The following ZFAT variants were observed in gnomAD, a reference collection of about 807,000 sequenced individuals.
The protein encoded by ZFAT is zinc finger protein ZFAT.
A neutral mutation model predicts 117.7 loss-of-function variants in ZFAT; 64 were observed. The observed-to-expected ratio is 0.54, with a 90% CI of 0.44 to 0.67. The LOEUF is 0.67. Ranked by LOEUF, ZFAT falls within the 30% of genes least tolerant of loss-of-function variation. The pLI is 0.00. For missense variants in ZFAT, 1,433 were observed against 1,584.5 expected, an observed-to-expected ratio of 0.90 and a Z score of 1.62; for synonymous variants, 679 against 615.0, an observed-to-expected ratio of 1.10 and a Z score of -1.54.
Position 134,653,977 on chromosome 8 carries a change from T to C in ZFAT, c.196+3584A>G, listed in dbSNP as rs532135776. On this transcript the variant is annotated intron_variant, in intron 2 of 15. Coordinates refer to ENST00000377838, the MANE Select transcript of ZFAT (RefSeq NM_020863.4). ...GTTAGAAAAACGTGCTTTCCCCATATTATATTGCTTTAATTTTCTTTTACA... is the reference window on the plus strand; with the variant it reads ...GTTAGAAAAACGTGCTTTCCCCATACTATATTGCTTTAATTTTCTTTTACA... Among the ~76,000 whole-genome samples, 4 of 152,312 alleles carry C rather than the reference T, an allele frequency of 2.6e-5. No homozygotes were observed. In the East Asian group the frequency reaches 7.7e-4, roughly 29 times the overall value.
chr8:134,710,327 C>A (rs779327584), intron 1 of ZFAT, among the ~76,000 whole-genome samples: 4 of 152,208 alleles, frequency 2.6e-5, no homozygotes, highest in Non-Finnish European at 4.4e-5. Context: ...TTCCTTAGAG[C>A]CTGTTACTTG....
intron 5 of ZFAT, among the ~76,000 whole-genome samples, chr8:134,604,853 A>G (rs1318746819): frequency 6.6e-6 from 1 of 152,198 alleles, no homozygotes; most frequent in Non-Finnish European, 1.5e-5. Flanking sequence ...AGTAATTTGG[A>G]TCTTTCTCAA....
rs532415978 is a variant in ZFAT, at chr8:134,490,364, T to G, written c.3493-11643A>C. Among the ~76,000 whole-genome samples the G allele has an allele frequency of 9.9e-5, 15 of 152,188 alleles. No homozygotes were observed. In the East Asian group the frequency reaches 2.5e-3, roughly 26 times the overall value. On this transcript the variant is annotated intron_variant, in intron 15 of 15. Coordinates refer to ENST00000377838, the MANE Select transcript of ZFAT (RefSeq NM_020863.4). Reference sequence around the variant, plus strand: ...TTCCAACTGTCGTCAGCTTCAAACCTCCCCTGGAGTCCATGCCTGGGTTCA... The same window carrying G: ...TTCCAACTGTCGTCAGCTTCAAACCGCCCCTGGAGTCCATGCCTGGGTTCA...
intron 2 of ZFAT, among the ~76,000 whole-genome samples, chr8:134,647,169 G>A (rs540292362): frequency 5.9e-5 from 9 of 151,980 alleles, no homozygotes; most frequent in East Asian, 5.8e-4. Context: ...AAAATTACAC[G>A]CCATGATAAC....
intron 1 of ZFAT, among the ~76,000 whole-genome samples, chr8:134,689,486 C>T (rs1397354250): frequency 6.6e-6 from 1 of 152,188 alleles, no homozygotes; most frequent in Non-Finnish European, 1.5e-5. Context: ...CAGACAAAAC[C>T]CAAGTCCTTA....
chr8:134,542,091 T>A (rs983050909), intron 11 of ZFAT, among the ~76,000 whole-genome samples: 1 of 152,176 alleles, frequency 6.6e-6, no homozygotes, highest in East Asian at 1.9e-4. Flanking sequence ...ACCACATTCC[T>A]CTCCATGGTC....
chr8:134,827,789 T>G, the ZFAT span, among the ~76,000 whole-genome samples: 1 of 150,732 alleles, frequency 6.6e-6, no homozygotes. Context: ...AAAAAAATTC[T>G]AGTTAATATT....
At chr8:134,585,758 T>A (rs1324096386) in intron 9 of ZFAT, among the ~76,000 whole-genome samples, 1 of 152,138 alleles carries the variant, frequency 6.6e-6, no homozygotes, top group Non-Finnish European at 1.5e-5. Context: ...CCCAAGGCGA[T>A]ATACCAAGAC....
chr8:134,594,695 C>T (rs1826792895), intron 7 of ZFAT: 1 of 152,172 alleles, frequency 6.6e-6, no homozygotes, highest in Non-Finnish European at 1.5e-5. Context: ...AACATCATCT[C>T]GCTAAATTCC....
chr8:134,746,749 G>C, the ZFAT span, among the ~76,000 whole-genome samples: 2 of 152,186 alleles, frequency 1.3e-5, no homozygotes, highest in Non-Finnish European at 2.9e-5. Context: ...TATCAATCAA[G>C]TGTTACAATG....
Position 134,657,706 on chromosome 8 carries a change from A to C in ZFAT, c.51T>G (p.Cys17Trp). Residue 17 changes from cysteine to tryptophan, a missense_variant, in exon 2 of 16, where the codon TGT (cysteine) becomes TGG (tryptophan). Transcript: ENST00000377838. ...CCGACTGATTTGGTGAGAAGAGGTT[A>C]CAACATTTACACATAAAGATGGCCG... ...ENTAIFMCKC[C>W]NLFSPNQSEL... 6.2e-7 allele frequency: 1 copy of C among 1,613,322 alleles called. No homozygotes were observed. Among genetic ancestry groups the C allele is most frequent in the South Asian group, 1.1e-5 (1 of 90,728 alleles).
the ZFAT span, among the ~76,000 whole-genome samples, chr8:134,810,836 CT>C: frequency 2.0e-5 from 3 of 152,118 alleles, no homozygotes; most frequent in African/African-American, 7.2e-5. Context: ...AACCTTCCCC[CT>C]GAAAGTCTGT....
the ZFAT span, among the ~76,000 whole-genome samples, chr8:134,721,457 G>A: frequency 2.0e-5 from 3 of 152,244 alleles, no homozygotes; most frequent in Admixed American, 2.0e-4. Context: ...GCTGACGGAA[G>A]AGGATGACAG....
Position 134,620,617 on chromosome 8 carries a change from A to G in ZFAT, c.449-9962T>C, listed in dbSNP as rs186326272. Among the ~76,000 whole-genome samples, 6 of 152,318 alleles carry G rather than the reference A, an allele frequency of 3.9e-5. 1 individual carries two copies. Among genetic ancestry groups the G allele is most frequent in the Admixed American group, 3.9e-4 (6 of 15,308 alleles). On this transcript the variant is annotated intron_variant, in intron 3 of 15. Coordinates refer to ENST00000377838, the MANE Select transcript of ZFAT (RefSeq NM_020863.4). ...TCTCCCTTGCACTGAGATACAATGA[A>G]CCTTCTGGTAATAAGCACGGCTGCT...
the ZFAT span, chr8:134,784,496 T>C: frequency 6.6e-6 from 1 of 152,190 alleles, no homozygotes; most frequent in Non-Finnish European, 1.5e-5. Context: ...CAGTCTTTCT[T>C]AGTAAGAAAA....
At chr8:134,630,546 A>C (rs181219902) in intron 3 of ZFAT, among the ~76,000 whole-genome samples, 18 of 152,346 alleles carry the variant, frequency 1.2e-4, no homozygotes, top group Middle Eastern at 6.8e-3. Context: ...TGACAGGAAG[A>C]ATTTAATGAG....
the ZFAT span, among the ~76,000 whole-genome samples, chr8:134,775,305 T>C: frequency 6.6e-6 from 1 of 152,254 alleles, no homozygotes; most frequent in Admixed American, 6.5e-5. Flanking sequence ...ATTGAAAATT[T>C]ATTTGTAGAA....
chr8:134,785,309 C>T, the ZFAT span: 1 of 152,114 alleles, frequency 6.6e-6, no homozygotes, highest in African/African-American at 2.4e-5. Context: ...GTACCTTCCA[C>T]GTCTGTGGCT....
In ZFAT at chr8:134,671,940, A is replaced by G. The variant is rs1832580288; in HGVS notation, c.20-14203T>C. ...ACAAAATCAATGTGCAAAGATCACA[A>G]GCATTCTTATACACCAATAACGGAC... On this transcript the variant is annotated intron_variant, in intron 1 of 15. Transcript: ENST00000377838. Among the ~76,000 whole-genome samples the G allele has an allele frequency of 2.0e-5, 3 of 152,382 alleles. No homozygotes were observed. The South Asian group carries it at 6.2e-4, about 32-fold the overall frequency.
Sources: gnomAD v4.1 joint callset for allele counts (sites outside exome capture counted in the v4.1 genomes callset) on GRCh38, gnomAD v4.1.1 for gene constraint, MANE v1.5 for transcripts, NCBI Gene and HGNC (gene_info 2026-07-23, HGNC 2026-07-21) for gene names.